ADAMTSL1: variants seen among roughly 807,000 people sequenced by gnomAD.
ADAMTSL1 encodes ADAMTS like 1.
In ADAMTSL1, 126 loss-of-function variants were observed where a neutral mutation model predicts 201.8. The ratio of observed to expected loss-of-function variants is 0.62; its 90% confidence interval spans 0.54 to 0.72. The LOEUF is 0.72. Ranked by LOEUF, ADAMTSL1 falls within the 30% of genes least tolerant of loss-of-function variation. The pLI, the probability that ADAMTSL1 is intolerant of heterozygous loss-of-function variation, is 0.00. For synonymous variants in ADAMTSL1, 1,121 were observed against 903.4 expected, an observed-to-expected ratio of 1.24 and a Z score of -4.32; for missense variants, 2,679 against 2,277.8, an observed-to-expected ratio of 1.18 and a Z score of -3.59.
intron 14 of ADAMTSL1, among the ~76,000 whole-genome samples, chr9:18,713,848 A>G (rs1286038971): frequency 4.7e-5 from 7 of 147,972 alleles, no homozygotes; most frequent in African/African-American, 1.7e-4. Context: ...CATACTGGGA[A>G]GTAAAGCTCT....
chr9:18,254,423 C>T (rs1232934489), intron 2 of ADAMTSL1, among the ~76,000 whole-genome samples: 3 of 121,362 alleles, frequency 2.5e-5, no homozygotes, highest in South Asian at 5.9e-4. Flanking sequence ...AGTACAGTGG[C>T]GCGATCTCAG....
intron 2 of ADAMTSL1, among the ~76,000 whole-genome samples, chr9:18,372,591 A>C (rs2133135079): frequency 6.6e-6 from 1 of 152,304 alleles, no homozygotes. Flanking sequence ...ACACAACCAA[A>C]TTCCAAATTT....
chr9:18,154,250 G>A (rs538567835), intron 1 of ADAMTSL1, among the ~76,000 whole-genome samples: 6 of 152,082 alleles, frequency 3.9e-5, no homozygotes, highest in Admixed American at 2.0e-4. Context: ...CAACCCAAAC[G>A]TAGTGGTTTA....
intron 9 of ADAMTSL1, among the ~76,000 whole-genome samples, chr9:18,666,100 G>A (rs545575229): frequency 2.0e-5 from 3 of 152,214 alleles, no homozygotes; most frequent in East Asian, 1.9e-4. Context: ...ATAGTAACTC[G>A]ACATTGTGCT....
intron 15 of ADAMTSL1, among the ~76,000 whole-genome samples, chr9:18,727,084 G>A (rs944716): frequency 0.25 from 37,406 of 152,100 alleles, 5,548 homozygotes; most frequent in South Asian, 0.42. Context: ...CAAAATCCAT[G>A]TATACTAGCA....
At chr9:17,983,707 C>T (rs140515282) in intron 1 of ADAMTSL1, among the ~76,000 whole-genome samples, 190 of 152,128 alleles carry the variant, frequency 1.2e-3, no homozygotes, top group African/African-American at 4.4e-3. Flanking sequence ...CAGAATTGGA[C>T]TGTTAAAATA....
chr9:18,265,401 C>T (rs942850804), intron 2 of ADAMTSL1, among the ~76,000 whole-genome samples: 1 of 152,154 alleles, frequency 6.6e-6, no homozygotes, highest in Non-Finnish European at 1.5e-5. Flanking sequence ...TATTTCTGCT[C>T]TTGAATACTT....
At chr9:18,166,540 T>G (rs1827641113) in intron 2 of ADAMTSL1, among the ~76,000 whole-genome samples, 2 of 151,946 alleles carry the variant, frequency 1.3e-5, no homozygotes, top group African/African-American at 4.8e-5. Context: ...CAAGCCAGTA[T>G]ATAGGTTTAT....
chr9:18,359,837 C>CCCCCCCCCCCCA, intron 2 of ADAMTSL1, among the ~76,000 whole-genome samples: 1 of 122,634 alleles, frequency 8.2e-6, no homozygotes, highest in Non-Finnish European at 1.8e-5. Context: ...GCCCCCCCGC[C>CCCCCCCCCCCCA]CACACAAAAT....
Position 18,355,158 on chromosome 9 carries a change from CT to C in ADAMTSL1, c.208-149666del, listed in dbSNP as rs933014184. Among the ~76,000 whole-genome samples, 23 of 152,124 alleles carry C rather than the reference CT, an allele frequency of 1.5e-4. 1 individual carries two copies. Among genetic ancestry groups the C allele is most frequent in the Non-Finnish European group, 3.2e-4 (22 of 68,022 alleles). ...AGGTCCCTGAATCCTGCTGTTTCACCTTTTTGATACTGCATCTCTTTGTAGA... is the reference window on the plus strand; with the variant it reads ...AGGTCCCTGAATCCTGCTGTTTCACCTTTTGATACTGCATCTCTTTGTAGA... On this transcript the variant is annotated intron_variant, in intron 2 of 29. Transcript: ENST00000680146.
chr9:18,348,481 G>A (rs1212240070), intron 2 of ADAMTSL1, among the ~76,000 whole-genome samples: 1 of 152,172 alleles, frequency 6.6e-6, no homozygotes, highest in African/African-American at 2.4e-5. Flanking sequence ...ATGTTTTTGT[G>A]ACATGTAAGT....
Position 18,591,794 on chromosome 9 carries a change from A to AATTCATGCT in ADAMTSL1, c.474+17529_474+17537dup, listed in dbSNP as rs566853634. The stretch of plus-strand genomic sequence containing the variant: ...AGTTTGTTTATTCCTGTAGCATAAA[A>AATTCATGCT]ATTCATGCTTCAGGATTTGACTAAC... On this transcript the variant is annotated intron_variant, in intron 4 of 28. Transcript: ENST00000380548. Among the ~76,000 whole-genome samples the AATTCATGCT allele has an allele frequency of 3.7e-3, 557 of 152,330 alleles. 7 individuals are homozygous for AATTCATGCT. Among genetic ancestry groups the AATTCATGCT allele is most frequent in the African/African-American group, 0.013 (526 of 41,574 alleles).
chr9:18,581,802 C>T (rs1208284635), intron 4 of ADAMTSL1, among the ~76,000 whole-genome samples: 1 of 152,160 alleles, frequency 6.6e-6, no homozygotes, highest in African/African-American at 2.4e-5. Flanking sequence ...ATTTCAAGGC[C>T]TGAGAATAAT....
At chr9:17,913,648 A>G (rs1383248407) in intron 1 of ADAMTSL1, among the ~76,000 whole-genome samples, 7 of 152,244 alleles carry the variant, frequency 4.6e-5, no homozygotes, top group Non-Finnish European at 8.8e-5. Flanking sequence ...AAAAGCTAGC[A>G]GAAGGCAAGA....
chr9:17,946,226 C>T lies in ADAMTSL1; in HGVS notation c.87+39304C>T, dbSNP rs577475142. Among the ~76,000 whole-genome samples the T allele has an allele frequency of 1.5e-4, 22 of 151,632 alleles. No homozygotes were observed. The East Asian group carries it at 2.5e-3, about 18-fold the overall frequency. ...ATTGCCCAGGCTGGTCTCAAACTCC[C>T]GGGCTCAAGTGTTCCTGCCACCTTA... On this transcript the variant is annotated intron_variant, in intron 1 of 29. Transcript: ENST00000680146.
rs577377685 is a variant in ADAMTSL1 at position 18,821,647 on chromosome 9, T to C, written c.3934+4410T>C. Among the ~76,000 whole-genome samples the C allele has an allele frequency of 2.4e-3, 360 of 152,314 alleles. 4 individuals carry two copies. The highest frequency in any genetic ancestry group is 8.1e-3 in the African/African-American group (337 of 41,566). ...GAAACGTGGAAGGCTGGAAACCTTC[T>C]TTCCAGACTGCCTTGGTTTTTTAGA... On this transcript the variant is annotated intron_variant, in intron 21 of 28. Coordinates refer to ENST00000380548, the MANE Select transcript of ADAMTSL1 (RefSeq NM_001040272.6).
intron 2 of ADAMTSL1, among the ~76,000 whole-genome samples, chr9:18,319,503 T>G (rs1039398722): frequency 1.3e-5 from 2 of 152,154 alleles, no homozygotes; most frequent in Non-Finnish European, 2.9e-5. Context: ...AGTTTTCTCT[T>G]CTGATAATGG....
intron 1 of ADAMTSL1, among the ~76,000 whole-genome samples, chr9:18,114,799 G>A (rs1484049772): frequency 6.6e-6 from 1 of 152,148 alleles, no homozygotes; most frequent in African/African-American, 2.4e-5. Flanking sequence ...GCAGGAAAAA[G>A]CACGTCTAAA....
chr9:17,976,659 C>G (rs1008656422), intron 1 of ADAMTSL1, among the ~76,000 whole-genome samples: 2 of 151,702 alleles, frequency 1.3e-5, no homozygotes, highest in African/African-American at 2.4e-5. Context: ...TTCTTTCTCT[C>G]TCTCTCCACT....
Sources: gnomAD v4.1 joint callset for allele counts (sites outside exome capture counted in the v4.1 genomes callset) on GRCh38, gnomAD v4.1.1 for gene constraint, MANE v1.5 for transcripts, NCBI Gene and HGNC (gene_info 2026-07-23, HGNC 2026-07-21) for gene names.